Variants in METTL25 observed in about 807,000 individuals in gnomAD.
The protein encoded by METTL25 is probable methyltransferase-like protein 25.
METTL25 carries 64 observed loss-of-function variants against 71.6 expected under a neutral mutation model. The ratio of observed to expected loss-of-function variants is 0.89; its 90% CI spans 0.73 to 1.10. The LOEUF (loss-of-function observed/expected upper bound fraction) is 1.10, where lower values mean the gene tolerates loss of function less well. METTL25 is among the 50% of genes least tolerant of loss of function. The pLI is 0.00. For missense variants in METTL25, 807 were observed against 707.0 expected (o/e 1.14, Z -1.60); for synonymous variants, 287 against 250.3 (o/e 1.15, Z -1.38).
intron 8 of METTL25, among the ~76,000 whole-genome samples, chr12:82,447,847 A>G (rs1436567291): frequency 6.6e-6 from 1 of 152,076 alleles, no homozygotes; most frequent in Non-Finnish European, 1.5e-5. Context: ...TTATCAGGCT[A>G]TACCCCACAG....
At chr12:82,440,727 T>C (rs1890254539) in intron 8 of METTL25, among the ~76,000 whole-genome samples, 1 of 152,044 alleles carries the variant, frequency 6.6e-6, no homozygotes, top group African/African-American at 2.4e-5. Flanking sequence ...TTCAATAACA[T>C]ACTAAATAAT....
At chr12:82,399,650 T>A (rs1397054780) in intron 4 of METTL25, among the ~76,000 whole-genome samples, 1 of 152,138 alleles carries the variant, frequency 6.6e-6, no homozygotes, top group Non-Finnish European at 1.5e-5. Flanking sequence ...GTAAGTAAAC[T>A]AAGTTCTCAT....
intron 5 of METTL25, among the ~76,000 whole-genome samples, chr12:82,419,206 AAAAAT>A (rs1371147204): frequency 6.6e-6 from 1 of 152,130 alleles, no homozygotes; most frequent in Non-Finnish European, 1.5e-5. Flanking sequence ...CTGGATAAAA[AAAAAT>A]GCCACAAAGA....
rs1402159442 is a variant in METTL25, at chr12:82,391,730, T to C, written c.531+1808T>C. Among the ~76,000 whole-genome samples the C allele has an allele frequency of 2.6e-5, 4 of 151,572 alleles. No individual in the cohort carries two copies. The East Asian group carries it at 7.7e-4, about 29-fold the overall frequency. ...TCTTCCATATACTGATTTCCTTTTT[T>C]TTTTTTTTTTGGATATATACCCAGT... On this transcript the variant is annotated intron_variant, in intron 3 of 11. Transcript: ENST00000248306.
chr12:82,416,867 C>A (rs114527298), intron 5 of METTL25, among the ~76,000 whole-genome samples: 1 of 151,992 alleles, frequency 6.6e-6, no homozygotes, highest in Non-Finnish European at 1.5e-5. Flanking sequence ...ACCTTTTATC[C>A]GTAGGCAATA....
intron 6 of METTL25, among the ~76,000 whole-genome samples, chr12:82,431,674 A>G (rs528778402): frequency 3.3e-5 from 5 of 151,588 alleles, no homozygotes; most frequent in African/African-American, 4.8e-5. Context: ...TTGCTTACCT[A>G]TTATAATCAT....
At chr12:82,394,128 C>T (rs1353955604) in intron 3 of METTL25, among the ~76,000 whole-genome samples, 2 of 151,842 alleles carry the variant, frequency 1.3e-5, no homozygotes, top group African/African-American at 4.8e-5. Flanking sequence ...ATGGTCTATC[C>T]TTGGGAATGG....
chr12:82,363,434 C>A (rs546714471), intron 1 of METTL25, among the ~76,000 whole-genome samples: 1 of 152,108 alleles, frequency 6.6e-6, no homozygotes, highest in Non-Finnish European at 1.5e-5. Context: ...AAAAAAGGAA[C>A]TACAGAAAGG....
intron 9 of METTL25, among the ~76,000 whole-genome samples, chr12:82,473,552 A>G (rs145076891): frequency 6.4e-4 from 97 of 152,178 alleles, no homozygotes; most frequent in African/African-American, 2.2e-3. Context: ...ATCGCCCTCC[A>G]GGGGCAGCCT....
At chr12:82,420,894 C>T (rs1208357293) in intron 5 of METTL25, among the ~76,000 whole-genome samples, 3 of 151,568 alleles carry the variant, frequency 2.0e-5, no homozygotes, top group East Asian at 1.9e-4. Context: ...CTCGTTCTGT[C>T]ACCCAGGCTG....
chr12:82,378,000 CT>C (rs1884050181), intron 1 of METTL25, among the ~76,000 whole-genome samples: 1 of 151,952 alleles, frequency 6.6e-6, no homozygotes, highest in Non-Finnish European at 1.5e-5. Flanking sequence ...GACACTTGTG[CT>C]TCTTCTCTAT....
At chr12:82,376,762 TTAAA>T (rs1363602022) in intron 1 of METTL25, among the ~76,000 whole-genome samples, 2 of 152,254 alleles carry the variant, frequency 1.3e-5, no homozygotes, top group South Asian at 2.1e-4. Context: ...TAAATTATCT[TTAAA>T]TAATTACTTT....
At chr12:82,446,189 A>G (rs890192131) in intron 8 of METTL25, among the ~76,000 whole-genome samples, 1 of 152,176 alleles carries the variant, frequency 6.6e-6, no homozygotes, top group African/African-American at 2.4e-5. Flanking sequence ...ATATTAATAG[A>G]TCTAAAGGGA....
intron 8 of METTL25, among the ~76,000 whole-genome samples, chr12:82,441,336 C>T (rs1392295224): frequency 6.6e-6 from 1 of 150,574 alleles, no homozygotes; most frequent in Non-Finnish European, 1.5e-5. Flanking sequence ...TCCCAAATAA[C>T]TAGCTATGTG....
chr12:82,446,170 A>G (rs759524349), intron 8 of METTL25, among the ~76,000 whole-genome samples: 1 of 152,216 alleles, frequency 6.6e-6, no homozygotes, highest in African/African-American at 2.4e-5. Context: ...ATGAAAATAT[A>G]TAAAGCAAAT....
At chr12:82,361,264 C>G (rs1388536334) in intron 1 of METTL25, among the ~76,000 whole-genome samples, 2 of 152,190 alleles carry the variant, frequency 1.3e-5, no homozygotes, top group African/African-American at 2.4e-5. Flanking sequence ...GAGCTAGACA[C>G]AGGGTGCTGA....
chr12:82,377,960 C>T (rs1004466418), intron 1 of METTL25, among the ~76,000 whole-genome samples: 10 of 152,188 alleles, frequency 6.6e-5, no homozygotes, highest in African/African-American at 2.4e-4. Flanking sequence ...ATTAGTATTA[C>T]AATTGTTTGA....
In METTL25 at chr12:82,407,712, A is replaced by G. The variant is rs140508362; in HGVS notation, c.1279+4582A>G. On this transcript the variant is annotated intron_variant, in intron 5 of 11. Transcript: ENST00000248306. ...GACGTATGCAACGTGAGTACCCTCA[A>G]ATACTTCGGAGGTCAAGAAAACAGT... is the stretch of plus-strand genomic sequence containing the variant. 4.9e-5 allele frequency: 29 copies of G among 592,992 alleles called. No homozygotes were observed. In the African/African-American group the frequency reaches 5.2e-4, roughly 11 times the overall value. The allele number at this position is 592,992 out of a possible 1,614,324, so 36.7% of individuals were successfully genotyped here. A position where few individuals can be genotyped will look rare whatever the true frequency, so the allele number is the denominator to read the frequency against.
intron 11 of METTL25, 95 bp from the exon 12 acceptor site, chr12:82,478,837 T>C (rs1450164313): frequency 3.2e-6 from 3 of 930,364 alleles, no homozygotes; most frequent in Non-Finnish European, 4.8e-6. Context: ...GCTTTGTTTT[T>C]ATGTATTTTT....
Sources: allele counts gnomAD v4.1 joint callset (sites outside exome capture counted in the v4.1 genomes callset), GRCh38; gene constraint gnomAD v4.1.1; transcripts MANE v1.5; gene names NCBI Gene and HGNC (gene_info 2026-07-23, HGNC 2026-07-21).